Variants in PTPRK observed in about 807,000 individuals in gnomAD.
PTPRK encodes protein tyrosine phosphatase receptor type K.
Under a neutral mutation model 178.0 loss-of-function variants are expected in PTPRK, and 75 were observed. That is an observed-to-expected ratio of 0.42 (90% CI 0.35 to 0.51). The LOEUF (loss-of-function observed/expected upper bound fraction) is 0.51. Ranked by LOEUF, PTPRK falls within the 20% of genes least tolerant of loss-of-function variation. The pLI is 0.02. For synonymous variants in PTPRK, 637 were observed against 620.6 expected (o/e 1.03, Z -0.39); for missense variants, 1,441 against 1,797.8 (o/e 0.80, Z 3.59).
chr6:128,236,168 G>A (rs1813220348), intron 5 of PTPRK, among the ~76,000 whole-genome samples: 1 of 151,790 alleles, frequency 6.6e-6, no homozygotes, highest in African/African-American at 2.4e-5. Context: ...AAATTAAAAT[G>A]GCTTAGTTCT....
intron 3 of PTPRK, among the ~76,000 whole-genome samples, chr6:128,244,093 T>C (rs1490389864): frequency 1.3e-5 from 2 of 152,186 alleles, no homozygotes; most frequent in Non-Finnish European, 2.9e-5. Flanking sequence ...ACTAGGTGAA[T>C]GATGCTGTCA....
At chr6:128,118,146 A>G (rs766798205) in intron 7 of PTPRK, among the ~76,000 whole-genome samples, 6 of 152,202 alleles carry the variant, frequency 3.9e-5, no homozygotes, top group Non-Finnish European at 7.3e-5. Flanking sequence ...AATACATAAT[A>G]GTCATAGTGA....
chr6:128,401,025 A>G (rs1840941929), intron 1 of PTPRK, among the ~76,000 whole-genome samples: 1 of 152,146 alleles, frequency 6.6e-6, no homozygotes, highest in Non-Finnish European at 1.5e-5. Context: ...GTAGCTGCAA[A>G]TCATGCCAGA....
At chr6:128,241,177 T>C (rs1814356903) in intron 4 of PTPRK, 1 of 522,566 alleles carries the variant, frequency 1.9e-6, no homozygotes, top group African/African-American at 2.0e-5. Flanking sequence ...CCACGTGGTA[T>C]ATATAATCTG....
chr6:128,302,617 T>C (rs2128312812), intron 3 of PTPRK, among the ~76,000 whole-genome samples: 1 of 152,230 alleles, frequency 6.6e-6, no homozygotes, highest in East Asian at 1.9e-4. Context: ...AACATTCTCT[T>C]CCTTTAAATT....
chr6:128,235,573 C>T (rs765270989), intron 5 of PTPRK: 1 of 511,052 alleles, frequency 2.0e-6, no homozygotes, highest in Non-Finnish European at 4.0e-6. Flanking sequence ...TGGGCAGTTG[C>T]AGTTACCTTC....
chr6:128,444,813 C>T (rs868227786), intron 1 of PTPRK, among the ~76,000 whole-genome samples: 46 of 152,082 alleles, frequency 3.0e-4, no homozygotes, highest in African/African-American at 1.1e-3. Flanking sequence ...CAAAGAACAA[C>T]AGATCTTCCT....
intron 3 of PTPRK, among the ~76,000 whole-genome samples, chr6:128,320,034 G>A (rs762548217): frequency 2.6e-5 from 4 of 152,130 alleles, no homozygotes; most frequent in Non-Finnish European, 5.9e-5. Context: ...CTGCAACAAT[G>A]AGACATTTAC....
chr6:128,256,354 G>C (rs1215029401), intron 3 of PTPRK, among the ~76,000 whole-genome samples: 2 of 152,162 alleles, frequency 1.3e-5, no homozygotes, highest in Admixed American at 6.5e-5. Flanking sequence ...ATGGATAAAA[G>C]GCAGAGCCAC....
At chr6:128,221,823 T>A (rs1299126203) in intron 5 of PTPRK, among the ~76,000 whole-genome samples, 1 of 150,170 alleles carries the variant, frequency 6.7e-6, no homozygotes, top group Non-Finnish European at 1.5e-5. Flanking sequence ...GCAGCTTATA[T>A]CCAAAAATAT....
intron 3 of PTPRK, among the ~76,000 whole-genome samples, chr6:128,291,220 A>G (rs1823331950): frequency 6.6e-6 from 1 of 152,148 alleles, no homozygotes; most frequent in South Asian, 2.1e-4. Context: ...AGAAGGGCTC[A>G]ACCCTGCTGT....
At chr6:128,347,519 T>C (rs1481646886) in intron 2 of PTPRK, among the ~76,000 whole-genome samples, 1 of 152,106 alleles carries the variant, frequency 6.6e-6, no homozygotes, top group Non-Finnish European at 1.5e-5. Context: ...TGTTTGTTTA[T>C]ATGTTTTTAA....
intron 6 of PTPRK, among the ~76,000 whole-genome samples, chr6:128,210,350 A>G (rs1192442981): frequency 2.1e-5 from 3 of 143,808 alleles, no homozygotes; most frequent in African/African-American, 5.4e-5. Context: ...AAAAACTTTG[A>G]CCTAAATAAC....
intron 3 of PTPRK, among the ~76,000 whole-genome samples, chr6:128,319,872 A>G (rs7773248): frequency 0.13 from 19,155 of 152,204 alleles, 1,933 homozygotes; most frequent in African/African-American, 0.28. Flanking sequence ...TTAAATTGAT[A>G]AAAACATCAA....
chr6:128,161,706 T>C (rs1021637403), intron 7 of PTPRK, among the ~76,000 whole-genome samples: 5 of 151,636 alleles, frequency 3.3e-5, no homozygotes, highest in African/African-American at 1.2e-4. Flanking sequence ...TTACCAACTT[T>C]AATAAGATAA....
chr6:128,306,270 T>C (rs1485314474), intron 3 of PTPRK, among the ~76,000 whole-genome samples: 1 of 152,202 alleles, frequency 6.6e-6, no homozygotes, highest in Admixed American at 6.5e-5. Flanking sequence ...CAGTGAATCA[T>C]GAATGCCAAA....
intron 1 of PTPRK, among the ~76,000 whole-genome samples, chr6:128,433,518 T>C (rs1354808988): frequency 6.6e-6 from 1 of 152,052 alleles, no homozygotes; most frequent in Non-Finnish European, 1.5e-5. Flanking sequence ...TGTTTGTTTG[T>C]TTGTTTTTGA....
chr6:127,982,782 A>T, intron 24 of PTPRK, 49 bp downstream of exon 24: 1 of 1,534,324 alleles, frequency 6.5e-7, no homozygotes, highest in South Asian at 1.2e-5. Flanking sequence ...CCTAGCGCCC[A>T]GAACAAATTG....
chr6:127,996,879 C>T lies in PTPRK; in HGVS notation c.2767+22G>A, dbSNP rs1562403003. 6 of 1,600,906 alleles carry T rather than the reference C, an allele frequency of 3.7e-6. No individual in the cohort carries two copies. In the South Asian group the frequency reaches 5.6e-5, roughly 15 times the overall value. On this transcript the variant is annotated intron_variant, in intron 17 of 29. Transcript: ENST00000368226. ...ATAAGCATATAATATTTACATTCAC[C>T]AAGAATTGAATGGGAACTTACATGC...
Sources: gnomAD v4.1 joint callset for allele counts (sites outside exome capture counted in the v4.1 genomes callset) on GRCh38, gnomAD v4.1.1 for gene constraint, MANE v1.5 for transcripts, NCBI Gene and HGNC (gene_info 2026-07-23, HGNC 2026-07-21) for gene names.